Variants in CNTN5 observed in about 807,000 individuals in gnomAD.
CNTN5 encodes contactin 5, also known as contactin-5.
Under a neutral mutation model 129.1 loss-of-function variants are expected in CNTN5, and 77 were observed. The ratio of observed to expected loss-of-function variants is 0.60; its 90% CI spans 0.50 to 0.72. CNTN5 has a LOEUF of 0.72. CNTN5 is among the 30% of genes least tolerant of loss of function. CNTN5 has a pLI of 0.00. For synonymous variants in CNTN5, 509 were observed against 465.6 expected, an observed-to-expected ratio of 1.09 and a Z score of -1.20; for missense variants, 1,478 against 1,328.8, an observed-to-expected ratio of 1.11 and a Z score of -1.75.
chr11:99,054,744 G>A (rs1188750446), intron 1 of CNTN5, among the ~76,000 whole-genome samples: 1 of 151,834 alleles, frequency 6.6e-6, no homozygotes, highest in Non-Finnish European at 1.5e-5. Context: ...AGATCCCCAA[G>A]TAGAAGGCTC....
Position 99,803,614 on chromosome 11 carries a change from G to A in CNTN5, c.56-15930G>A, listed in dbSNP as rs747563640. Among the ~76,000 whole-genome samples the A allele has an allele frequency of 2.0e-5, 3 of 152,170 alleles. No individual in the cohort carries two copies. In the South Asian group the frequency reaches 6.2e-4, roughly 32 times the overall value. On this transcript the variant is annotated intron_variant, in intron 3 of 24. Transcript: ENST00000524871. The stretch of plus-strand genomic sequence containing the variant: ...TGACAGTGTCTACTGTTTTGGACAA[G>A]GGAGAACACTATGTTGCTCCTAGAT...
At chr11:99,121,991 A>ATT (rs1310111289) in intron 1 of CNTN5, among the ~76,000 whole-genome samples, 4 of 151,712 alleles carry the variant, frequency 2.6e-5, no homozygotes, top group Admixed American at 2.0e-4. Context: ...ATATATATAT[A>ATT]TTTTTATTAT....
intron 3 of CNTN5, among the ~76,000 whole-genome samples, chr11:99,731,772 T>A (rs1250154737): frequency 1.3e-5 from 2 of 152,168 alleles, no homozygotes; most frequent in East Asian, 3.8e-4. Flanking sequence ...CTTAGAACTT[T>A]CTATACTCCC....
chr11:100,084,300 A>C (rs985487966), intron 13 of CNTN5, among the ~76,000 whole-genome samples: 7 of 152,114 alleles, frequency 4.6e-5, no homozygotes, highest in African/African-American at 7.2e-5. Flanking sequence ...TTGGGAATTC[A>C]AGCATCTAAG....
intron 1 of CNTN5, among the ~76,000 whole-genome samples, chr11:99,193,666 C>A (rs546556054): frequency 6.6e-6 from 1 of 152,184 alleles, no homozygotes; most frequent in Non-Finnish European, 1.5e-5. Flanking sequence ...TTTTCGCACT[C>A]ATTTACAATG....
intron 2 of CNTN5, among the ~76,000 whole-genome samples, chr11:99,391,470 T>G (rs1252117179): frequency 6.6e-6 from 1 of 152,146 alleles, no homozygotes; most frequent in African/African-American, 2.4e-5. Flanking sequence ...TGCTGTCATA[T>G]AGTAGCTAAG....
chr11:99,395,666 T>C (rs985410240), intron 2 of CNTN5, among the ~76,000 whole-genome samples: 3 of 151,910 alleles, frequency 2.0e-5, no homozygotes, highest in African/African-American at 7.2e-5. Flanking sequence ...AGGGTTTTTA[T>C]AGCTTGGGGT....
At chr11:100,194,627 C>T (rs961514026) in intron 15 of CNTN5, among the ~76,000 whole-genome samples, 4 of 148,888 alleles carry the variant, frequency 2.7e-5, no homozygotes, top group African/African-American at 4.9e-5. Context: ...AGCCCTAAAT[C>T]CAAAGTCAGG....
chr11:99,619,748 C>G (rs116786086), intron 3 of CNTN5, among the ~76,000 whole-genome samples: 4 of 151,962 alleles, frequency 2.6e-5, no homozygotes, highest in East Asian at 1.9e-4. Context: ...ACAAAGCTGT[C>G]GGGCGTGGTG....
intron 3 of CNTN5, among the ~76,000 whole-genome samples, chr11:99,625,053 T>C (rs1565361253): frequency 2.0e-5 from 3 of 152,192 alleles, no homozygotes; most frequent in Admixed American, 1.3e-4. Flanking sequence ...TAGTCCAGTG[T>C]TGGACACATG....
chr11:100,119,470 A>G (rs1227724783), intron 13 of CNTN5, among the ~76,000 whole-genome samples: 2 of 151,936 alleles, frequency 1.3e-5, no homozygotes, highest in African/African-American at 4.8e-5. Flanking sequence ...GTTCTTACTA[A>G]GCTGTCCAAG....
At chr11:100,234,792 T>TAAAAAAAAAAA (rs781363668) in intron 16 of CNTN5, among the ~76,000 whole-genome samples, 54 of 101,968 alleles carry the variant, frequency 5.3e-4, no homozygotes, top group East Asian at 1.7e-3. Context: ...TCCCAGAATT[T>TAAAAAAAAAAA]AAAAAAAAAA....
chr11:99,671,085 G>A (rs989869731), intron 3 of CNTN5, among the ~76,000 whole-genome samples: 1 of 150,464 alleles, frequency 6.6e-6, no homozygotes, highest in Non-Finnish European at 1.5e-5. Flanking sequence ...TCGCTTTCTT[G>A]TGAGTTCTCT....
At chr11:100,323,750 AT>A (rs1304311156) in intron 21 of CNTN5, among the ~76,000 whole-genome samples, 1 of 151,058 alleles carries the variant, frequency 6.6e-6, no homozygotes, top group Non-Finnish European at 1.5e-5. Context: ...TTTCCAATTC[AT>A]TTTGTTGTTC....
At chr11:100,021,632 GC>G (rs1196616035) in intron 9 of CNTN5, among the ~76,000 whole-genome samples, 1 of 152,216 alleles carries the variant, frequency 6.6e-6, no homozygotes, top group African/African-American at 2.4e-5. Context: ...AGATACTTCA[GC>G]TTTCTCTTTG....
intron 3 of CNTN5, among the ~76,000 whole-genome samples, chr11:99,815,955 C>T (rs928117006): frequency 6.6e-6 from 1 of 152,060 alleles, no homozygotes; most frequent in African/African-American, 2.4e-5. Flanking sequence ...CCTCCCTCAC[C>T]GGGTTAGAGT....
intron 8 of CNTN5, among the ~76,000 whole-genome samples, chr11:99,988,851 TTGTGTG>T (rs59171240): frequency 2.5e-4 from 37 of 149,842 alleles, no homozygotes; most frequent in Middle Eastern, 6.9e-3. Context: ...GTGTGTGTGT[TTGTGTG>T]TGTGTGTGTG....
chr11:99,450,474 G>C (rs911369417), intron 2 of CNTN5, among the ~76,000 whole-genome samples: 1 of 152,036 alleles, frequency 6.6e-6, no homozygotes, highest in Non-Finnish European at 1.5e-5. Flanking sequence ...TATGTATATA[G>C]TTACATGTAA....
At chr11:99,460,131 G>A in intron 2 of CNTN5, among the ~76,000 whole-genome samples, 1 of 151,678 alleles carries the variant, frequency 6.6e-6, no homozygotes, top group East Asian at 1.9e-4. Flanking sequence ...AATAAAGAAT[G>A]TCGTGCTAAA....
Sources: allele counts gnomAD v4.1 joint callset (sites outside exome capture counted in the v4.1 genomes callset), GRCh38; gene constraint gnomAD v4.1.1; transcripts MANE v1.5; gene names NCBI Gene and HGNC (gene_info 2026-07-23, HGNC 2026-07-21).